The following PLXNC1 variants were observed in gnomAD, a reference collection of about 807,000 sequenced individuals.
The protein encoded by PLXNC1 is plexin-C1.
A neutral mutation model predicts 178.2 loss-of-function variants in PLXNC1; 75 were observed. The observed-to-expected ratio is 0.42, with a 90% CI of 0.35 to 0.51. The LOEUF (loss-of-function observed/expected upper bound fraction) is 0.51. PLXNC1 is among the 20% of genes least tolerant of loss of function. PLXNC1 has a pLI of 0.02. For synonymous variants in PLXNC1, 790 were observed against 779.9 expected (o/e 1.01, Z -0.22); for missense variants, 1,503 against 1,984.4 (o/e 0.76, Z 4.61).
chr12:94,214,309 A>G lies in PLXNC1; in HGVS notation c.1554+4605A>G, dbSNP rs552580277. ...CCTATGTTGCCCAGGCTGGTCTCAA[A>G]CCCCTGGGCTCAAGTGATCCTCCCA... is the stretch of plus-strand genomic sequence containing the variant. On this transcript the variant is annotated intron_variant, in intron 5 of 30. Coordinates refer to ENST00000258526, the MANE Select transcript of PLXNC1 (RefSeq NM_005761.3). 6.6e-4 allele frequency among the ~76,000 whole-genome samples: 101 copies of G among 152,014 alleles called. 2 individuals are homozygous for G. The Middle Eastern group carries it at 0.017, about 26-fold the overall frequency.
chr12:94,291,642 T>C (rs1967332962), intron 23 of PLXNC1, among the ~76,000 whole-genome samples: 3 of 152,182 alleles, frequency 2.0e-5, no homozygotes, highest in Non-Finnish European at 2.9e-5. Flanking sequence ...TTTTAGAACA[T>C]TTTCATCCCT....
rs545502153 is a variant in PLXNC1 at position 94,289,021 on chromosome 12, A to G, written c.3880-5465A>G. Among the ~76,000 whole-genome samples the G allele has an allele frequency of 3.9e-5, 6 of 152,320 alleles. 1 individual carries two copies. The highest frequency in any genetic ancestry group is 1.4e-4 in the African/African-American group (6 of 41,580). On this transcript the variant is annotated intron_variant, in intron 23 of 30. Coordinates refer to ENST00000258526, the MANE Select transcript of PLXNC1 (RefSeq NM_005761.3). ...ATTTCTCTTAGGTGGAGCCATATGA[A>G]ATTGTCAATAGGTGACCATTTTTAC...
chr12:94,275,263 A>G (rs1965845146), intron 21 of PLXNC1, among the ~76,000 whole-genome samples: 1 of 152,238 alleles, frequency 6.6e-6, no homozygotes, highest in Non-Finnish European at 1.5e-5. Context: ...GAGAACAAGG[A>G]CTATGTCATA....
chr12:94,209,394 C>T (rs1375105498), intron 4 of PLXNC1, among the ~76,000 whole-genome samples, 196 bp from the exon 5 acceptor site: 5 of 152,110 alleles, frequency 3.3e-5, no homozygotes, highest in African/African-American at 1.2e-4. Context: ...GAAAAAAATG[C>T]TCTGCTGTTT....
intron 21 of PLXNC1, among the ~76,000 whole-genome samples, chr12:94,274,155 T>TTAAAAAAA (rs1190908348): frequency 1.8e-4 from 8 of 45,376 alleles, no homozygotes; most frequent in African/African-American, 9.4e-4. Flanking sequence ...ACCCTGTCTC[T>TTAAAAAAA]AAAAAAAAAA....
chr12:94,191,603 GTGAAACC>G, intron 4 of PLXNC1, among the ~76,000 whole-genome samples: 1 of 152,004 alleles, frequency 6.6e-6, no homozygotes, highest in Non-Finnish European at 1.5e-5. Flanking sequence ...GGCCAACATG[GTGAAACC>G]CTGTCTCTAC....
At chr12:94,226,402 A>G (rs1181523525) in intron 7 of PLXNC1, 1 of 504,158 alleles carries the variant, frequency 2.0e-6, no homozygotes, top group Non-Finnish European at 3.6e-6. Flanking sequence ...TTCCATGGCA[A>G]CACCCCTGCA....
chr12:94,166,933 T>C (rs1961636033), intron 1 of PLXNC1, among the ~76,000 whole-genome samples: 1 of 152,086 alleles, frequency 6.6e-6, no homozygotes, highest in Non-Finnish European at 1.5e-5. Flanking sequence ...ATCTGGCTGA[T>C]TTTTTATCTC....
chr12:94,210,365 C>T (rs539991339), intron 5 of PLXNC1, among the ~76,000 whole-genome samples: 47 of 152,250 alleles, frequency 3.1e-4, no homozygotes, highest in African/African-American at 6.0e-4. Flanking sequence ...CCGTGCCCTA[C>T]GGAAAAAGGG....
chr12:94,268,588 C>CTTTTTTTTTTTTTTTTTTTTTT (rs61265662), intron 21 of PLXNC1, among the ~76,000 whole-genome samples: 5 of 90,884 alleles, frequency 5.5e-5, no homozygotes, highest in African/African-American at 9.2e-5. Flanking sequence ...AGAATAAGAC[C>CTTTTTTTTTTTTTTTTTTTTTT]TTTTTTTTTT....
chr12:94,210,330 A>T (rs1963430191), intron 5 of PLXNC1, among the ~76,000 whole-genome samples: 1 of 152,208 alleles, frequency 6.6e-6, no homozygotes, highest in South Asian at 2.1e-4. Context: ...GAGCATATTT[A>T]AGCATTTTCA....
In PLXNC1 at chr12:94,237,660, A is replaced by G. The variant is rs752831173; in HGVS notation, c.1981-4A>G. 3 of 1,611,598 alleles carry G rather than the reference A, an allele frequency of 1.9e-6. No homozygotes were observed. The highest frequency in any genetic ancestry group is 1.3e-5 in the African/African-American group (1 of 74,910). Reference sequence around the variant, plus strand: ...CTCCTGTTTTAATCTTTTCTTTCCAATAGGTCTTCTACATTAAGTCCATTG... The same window carrying G: ...CTCCTGTTTTAATCTTTTCTTTCCAGTAGGTCTTCTACATTAAGTCCATTG... On this transcript the variant is annotated splice_region_variant and splice_polypyrimidine_tract_variant and intron_variant, in intron 9 of 30. Transcript: ENST00000258526.
intron 5 of PLXNC1, among the ~76,000 whole-genome samples, chr12:94,212,722 C>CTTTTT (rs538048142): frequency 2.4e-4 from 33 of 136,152 alleles, no homozygotes; most frequent in Non-Finnish European, 3.3e-4. Flanking sequence ...CTTTTCTTTT[C>CTTTTT]TTTTTTTTTT....
intron 4 of PLXNC1, among the ~76,000 whole-genome samples, chr12:94,189,873 G>C (rs1962659727): frequency 1.3e-5 from 2 of 152,132 alleles, no homozygotes; most frequent in African/African-American, 4.8e-5. Flanking sequence ...TCCATCATCT[G>C]TGTGGAAATC....
chr12:94,291,967 T>C (rs1036059894), intron 23 of PLXNC1, among the ~76,000 whole-genome samples: 4 of 152,202 alleles, frequency 2.6e-5, no homozygotes, highest in African/African-American at 9.7e-5. Flanking sequence ...ACACTTCATA[T>C]CAATAGGACC....
chr12:94,259,402 C>T (rs774230980), intron 18 of PLXNC1, 27 bp downstream of exon 18: 9 of 1,550,114 alleles, frequency 5.8e-6, no homozygotes, highest in Non-Finnish European at 7.9e-6. Flanking sequence ...TCATTTTTAG[C>T]CCAGTGACTG....
chr12:94,184,232 C>T (rs1179083490), intron 3 of PLXNC1, among the ~76,000 whole-genome samples: 1 of 151,224 alleles, frequency 6.6e-6, no homozygotes, highest in East Asian at 1.9e-4. Context: ...GTTCTCCTGT[C>T]TCAGCCTCCC....
chr12:94,175,388 G>GA (rs142956906), intron 2 of PLXNC1, among the ~76,000 whole-genome samples: 114 of 151,018 alleles, frequency 7.5e-4, no homozygotes, highest in Admixed American at 5.5e-3. Context: ...TAATCGTAAA[G>GA]AAAAAAAAAT....
intron 4 of PLXNC1, among the ~76,000 whole-genome samples, chr12:94,193,055 G>A (rs1045028875): frequency 9.2e-5 from 14 of 152,196 alleles, no homozygotes; most frequent in Non-Finnish European, 1.8e-4. Flanking sequence ...CTGAAGGGTA[G>A]GGGGATATCA....
Sources: allele counts gnomAD v4.1 joint callset (sites outside exome capture counted in the v4.1 genomes callset), GRCh38; gene constraint gnomAD v4.1.1; transcripts MANE v1.5; gene names NCBI Gene and HGNC (gene_info 2026-07-23, HGNC 2026-07-21).